Variants in HERC4 observed in about 807,000 individuals in gnomAD.
HERC4 encodes HECT and RLD domain containing E3 ubiquitin protein ligase 4.
HERC4 carries 28 observed loss-of-function variants against 124.3 expected under a neutral mutation model. That is an observed-to-expected ratio of 0.23 (90% CI 0.17 to 0.31). The LOEUF (loss-of-function observed/expected upper bound fraction) is 0.31. HERC4 is among the 10% of genes least tolerant of loss of function. HERC4 has a pLI of 1.00. For synonymous variants in HERC4, 407 were observed against 421.5 expected (o/e 0.97, Z 0.42); for missense variants, 713 against 1,229.3 (o/e 0.58, Z 6.28).
Position 67,936,243 on chromosome 10 carries a change from TTTAAA to T in HERC4, c.2572-13_2572-9del. The T allele has an allele frequency of 6.5e-7, 1 of 1,539,338 alleles. No homozygotes were observed. Among genetic ancestry groups the T allele is most frequent in the South Asian group, 1.2e-5 (1 of 81,858 alleles). The stretch of plus-strand genomic sequence containing the variant: ...AAAGTTTTCAACTGTGATCTATTAA[TTTAAA>T]TTTTTAAAAAAAGTCAATGTCAGAC... On this transcript the variant is annotated splice_polypyrimidine_tract_variant and intron_variant, in intron 21 of 24. Transcript: ENST00000373700.
intron 15 of HERC4, among the ~76,000 whole-genome samples, chr10:67,980,642 C>T (rs921301996): frequency 8.5e-5 from 13 of 152,138 alleles, no homozygotes; most frequent in Non-Finnish European, 4.4e-5. Context: ...GTAAACTACT[C>T]TTAAGTAGAG....
chr10:67,963,178 T>C (rs2034630804), intron 16 of HERC4, among the ~76,000 whole-genome samples: 1 of 152,184 alleles, frequency 6.6e-6, no homozygotes, highest in Admixed American at 6.5e-5. Flanking sequence ...ACATTCTCCA[T>C]AATAAATTAA....
chr10:67,995,766 C>A (rs2036837066), intron 9 of HERC4, among the ~76,000 whole-genome samples: 1 of 151,998 alleles, frequency 6.6e-6, no homozygotes, highest in Admixed American at 6.6e-5. Context: ...CTTTTCCCAT[C>A]CTCAACTCAT....
intron 22 of HERC4, among the ~76,000 whole-genome samples, chr10:67,934,034 G>A (rs565819021): frequency 2.2e-4 from 34 of 152,220 alleles, no homozygotes; most frequent in African/African-American, 7.7e-4. Context: ...AGAAATTCCC[G>A]CTATTAAAAG....
chr10:67,986,275 C>CG (rs936142400), intron 15 of HERC4, among the ~76,000 whole-genome samples: 4 of 152,214 alleles, frequency 2.6e-5, no homozygotes, highest in African/African-American at 9.7e-5. Context: ...TTCTTCAAGT[C>CG]AAAAGTAGTG....
intron 16 of HERC4, chr10:67,966,340 T>C: frequency 4.4e-6 from 1 of 226,326 alleles, no homozygotes; most frequent in South Asian, 6.0e-5. Context: ...AGTTCCAGTA[T>C]GAAGAATGCC....
In HERC4 at chr10:68,031,895, G is replaced by T. The variant is rs117189362; in HGVS notation, c.777+883C>A. Reference sequence around the variant, plus strand: ...CAGCCTCCGGAGTAGCTGGGGATAGGTGCCTGCCGCCATGCCCAGCTAACT... The same window carrying T: ...CAGCCTCCGGAGTAGCTGGGGATAGTTGCCTGCCGCCATGCCCAGCTAACT... On this transcript the variant is annotated intron_variant, in intron 7 of 24. Transcript: ENST00000373700. 2.6e-3 allele frequency among the ~76,000 whole-genome samples: 392 copies of T among 151,944 alleles called. 1 individual carries two copies. The highest frequency in any genetic ancestry group is 9.1e-3 in the African/African-American group (379 of 41,442).
chr10:67,996,045 C>T (rs758102703), intron 9 of HERC4: 1 of 395,780 alleles, frequency 2.5e-6, no homozygotes, highest in East Asian at 7.7e-5. Flanking sequence ...GTAGCTCATA[C>T]CTGTAATCCC....
At chr10:67,981,389 A>G (rs1459517990) in intron 15 of HERC4, among the ~76,000 whole-genome samples, 3 of 152,218 alleles carry the variant, frequency 2.0e-5, no homozygotes, top group Non-Finnish European at 4.4e-5. Context: ...TACAAAGCAA[A>G]TATTATTAGA....
At chr10:68,044,008 A>G (rs2039900735) in intron 4 of HERC4, among the ~76,000 whole-genome samples, 1 of 152,224 alleles carries the variant, frequency 6.6e-6, no homozygotes. Context: ...TATATTCAAC[A>G]GAAACAATAA....
At chr10:67,994,731 CTTATTT>C (rs1418106235) in intron 9 of HERC4, 2 of 150,950 alleles carry the variant, frequency 1.3e-5, no homozygotes, top group East Asian at 2.0e-4. Context: ...TGCACCTGGC[CTTATTT>C]TTATTTTTTG....
At chr10:68,051,347 T>C (rs1488665565) in intron 3 of HERC4, among the ~76,000 whole-genome samples, 3 of 111,704 alleles carry the variant, frequency 2.7e-5, no homozygotes, top group African/African-American at 1.2e-4. Flanking sequence ...CACTATTTTT[T>C]TTTTTTTTTT....
intron 24 of HERC4, 151 bp downstream of exon 24, chr10:67,924,934 A>G: frequency 2.0e-6 from 1 of 488,060 alleles, no homozygotes; most frequent in Non-Finnish European, 3.7e-6. Flanking sequence ...GGCAAACTGA[A>G]TTTAGCCTTT....
chr10:67,946,905 TCAAAA>T (rs904066512), intron 19 of HERC4, among the ~76,000 whole-genome samples: 37 of 152,062 alleles, frequency 2.4e-4, no homozygotes, highest in African/African-American at 8.5e-4. Flanking sequence ...AGACTCTGTC[TCAAAA>T]CAAAACAAAA....
At chr10:68,008,605 A>T (rs1334187425) in intron 9 of HERC4, among the ~76,000 whole-genome samples, 1 of 152,190 alleles carries the variant, frequency 6.6e-6, no homozygotes, top group African/African-American at 2.4e-5. Context: ...CAAAATTTTT[A>T]AATATTTTTA....
Position 68,041,787 on chromosome 10 carries a change from C to T in HERC4, c.386+2617G>A, listed in dbSNP as rs530748785. ...TATATATTCTATATTAACATCTAGC[C>T]AGAAATGCAGGTCTACAGACACTAT... On this transcript the variant is annotated intron_variant, in intron 4 of 24. Transcript: ENST00000373700. Among the ~76,000 whole-genome samples the T allele has an allele frequency of 3.9e-5, 6 of 152,100 alleles. No individual in the cohort carries two copies. In the South Asian group the frequency reaches 1.2e-3, roughly 32 times the overall value.
chr10:67,931,820 T>G (rs942546159), intron 23 of HERC4, among the ~76,000 whole-genome samples: 2 of 152,158 alleles, frequency 1.3e-5, no homozygotes, highest in African/African-American at 4.8e-5. Flanking sequence ...TCAAGTGCAG[T>G]GGTATAATCA....
chr10:68,040,061 C>A, intron 4 of HERC4: 3 of 787,374 alleles, frequency 3.8e-6, no homozygotes, highest in Non-Finnish European at 4.6e-6. Context: ...ATGCCTGGCA[C>A]CTACTATAGT....
intron 15 of HERC4, among the ~76,000 whole-genome samples, chr10:67,969,022 T>C (rs1238349221): frequency 6.6e-6 from 1 of 152,230 alleles, no homozygotes; most frequent in Admixed American, 6.5e-5. Flanking sequence ...TAAGTCTTCA[T>C]ACATTTAAAA....
Sources: allele counts gnomAD v4.1 joint callset (sites outside exome capture counted in the v4.1 genomes callset), GRCh38; gene constraint gnomAD v4.1.1; transcripts MANE v1.5; gene names NCBI Gene and HGNC (gene_info 2026-07-23, HGNC 2026-07-21).